Variants in NBEA observed in about 807,000 individuals in gnomAD.
NBEA encodes neurobeachin, also known as lysosomal-trafficking regulator 2.
A neutral mutation model predicts 343.4 loss-of-function variants in NBEA; 44 were observed. The ratio of observed to expected loss-of-function variants is 0.13; its 90% CI spans 0.10 to 0.16. The LOEUF is 0.16. NBEA is among the 10% of genes least tolerant of loss of function. The pLI is 1.00. For synonymous variants in NBEA, 1,175 were observed against 1,238.7 expected (o/e 0.95, Z 1.08); for missense variants, 2,555 against 3,631.3 (o/e 0.70, Z 7.62).
intron 10 of NBEA, among the ~76,000 whole-genome samples, chr13:35,083,675 C>G (rs918364301): frequency 1.3e-5 from 2 of 152,056 alleles, no homozygotes. Flanking sequence ...TAAAGACCAC[C>G]AAGGCTAGGA....
At chr13:35,374,603 A>T (rs1012707209) in intron 38 of NBEA, among the ~76,000 whole-genome samples, 1 of 152,180 alleles carries the variant, frequency 6.6e-6, no homozygotes, top group African/African-American at 2.4e-5. Flanking sequence ...TTAGAAAACA[A>T]AATCCTGCAG....
chr13:35,157,143 A>G lies in NBEA; in HGVS notation c.2717A>G (p.Asn906Ser). The G allele has an allele frequency of 6.2e-7, 1 of 1,608,564 alleles. No homozygotes were observed. ...MFSLGYINPKNSEEQKITEMV... is the reference protein window; with the variant it reads ...MFSLGYINPKSSEEQKITEMV... ...TCTCTTGGCTATATCAATCCTAAAA[A>G]TTCTGAGGAACAGAAGATTACCGAA... The change falls in exon 21 of 59, where the codon AAT (asparagine) becomes AGT (serine). Residue 906 changes from asparagine (N) to serine (S), a missense_variant. Physicochemically the swap from Asn to Ser is conservative, Grantham distance 46. Around this residue, in one of 21 missense-constraint regions of NBEA, gnomAD observed 360 missense variants for 519.1 expected, o/e 0.69. Transcript: ENST00000379939.
At chr13:35,352,124 T>G (rs1177387029) in intron 37 of NBEA, 33 bp from the exon 38 acceptor site, 2 of 1,326,650 alleles carry the variant, frequency 1.5e-6, no homozygotes, top group Non-Finnish European at 2.0e-6. Context: ...AGTAAAAAGT[T>G]TATTATTATG....
rs2033435445 is a variant in NBEA, at chr13:35,263,867, GA to G, written c.5777-26517del. Among the ~76,000 whole-genome samples, 3 of 151,666 alleles carry G rather than the reference GA, an allele frequency of 2.0e-5. No homozygotes were observed. The South Asian group carries it at 6.2e-4, about 32-fold the overall frequency. ...ACCTACAGTGTACCTCAAAGAATTA[GA>G]AAAACGAGAAAACTAAGCACAAAGG... On this transcript the variant is annotated intron_variant, in intron 34 of 58. Transcript: ENST00000379939.
At chr13:35,200,587 AC>A (rs1371263872) in intron 31 of NBEA, among the ~76,000 whole-genome samples, 3 of 151,916 alleles carry the variant, frequency 2.0e-5, no homozygotes, top group Non-Finnish European at 4.4e-5. Context: ...TGGCTAACAG[AC>A]CTCAAACTTA....
intron 34 of NBEA, among the ~76,000 whole-genome samples, chr13:35,240,458 G>A (rs1239921726): frequency 6.6e-6 from 1 of 151,656 alleles, no homozygotes; most frequent in Non-Finnish European, 1.5e-5. Context: ...CTATCAAGAC[G>A]GTATGTATGA....
At chr13:35,529,324 AAAGT>A (rs1160267852) in intron 41 of NBEA, among the ~76,000 whole-genome samples, 3 of 152,196 alleles carry the variant, frequency 2.0e-5, no homozygotes, top group Admixed American at 1.3e-4. Context: ...TATGACTTTT[AAAGT>A]AAGTGTGAGT....
chr13:35,287,488 G>A (rs1401703217), intron 34 of NBEA, among the ~76,000 whole-genome samples: 3 of 151,734 alleles, frequency 2.0e-5, no homozygotes, highest in Admixed American at 2.0e-4. Flanking sequence ...TTTCACCCTA[G>A]CCCTCCAGTC....
intron 38 of NBEA, among the ~76,000 whole-genome samples, chr13:35,378,325 G>T (rs1403866113): frequency 1.3e-5 from 2 of 152,140 alleles, no homozygotes; most frequent in Admixed American, 6.5e-5. Flanking sequence ...AAGAGACAGA[G>T]AAAAATTCAT....
At chr13:35,167,846 A>G (rs977455467) in intron 24 of NBEA, among the ~76,000 whole-genome samples, 16 of 151,954 alleles carry the variant, frequency 1.1e-4, no homozygotes, top group African/African-American at 3.9e-4. Flanking sequence ...ATCAACCACA[A>G]ATTGCACACT....
At chr13:35,187,330 C>T (rs1206729094) in intron 30 of NBEA, among the ~76,000 whole-genome samples, 2 of 151,762 alleles carry the variant, frequency 1.3e-5, no homozygotes, top group Non-Finnish European at 2.9e-5. Context: ...ACTCAAATCC[C>T]TTCTTGAAGT....
At chr13:35,347,422 A>G (rs1314317279) in intron 36 of NBEA, among the ~76,000 whole-genome samples, 2 of 152,112 alleles carry the variant, frequency 1.3e-5, no homozygotes, top group Non-Finnish European at 2.9e-5. Context: ...ATGAAGGAAT[A>G]TGAGGATTAG....
intron 4 of NBEA, among the ~76,000 whole-genome samples, chr13:35,045,909 G>T (rs1206111701): frequency 6.6e-6 from 1 of 151,776 alleles, no homozygotes; most frequent in East Asian, 1.9e-4. Flanking sequence ...TGTATTTTTA[G>T]TAGAGACAGG....
chr13:35,113,021 G>T (rs1442693520), intron 13 of NBEA, among the ~76,000 whole-genome samples: 1 of 151,980 alleles, frequency 6.6e-6, no homozygotes, highest in Non-Finnish European at 1.5e-5. Context: ...AAATTATTTT[G>T]CCCTAAGTCT....
At chr13:35,017,916 A>C (rs1483268341) in intron 1 of NBEA, among the ~76,000 whole-genome samples, 1 of 152,134 alleles carries the variant, frequency 6.6e-6, no homozygotes, top group African/African-American at 2.4e-5. Context: ...TTTGCATATG[A>C]TATAAAGTAA....
intron 21 of NBEA, among the ~76,000 whole-genome samples, 155 bp from the exon 22 acceptor site, chr13:35,158,861 A>G (rs1301916997): frequency 2.0e-5 from 3 of 152,104 alleles, no homozygotes; most frequent in Non-Finnish European, 4.4e-5. Context: ...ACTTAATGAA[A>G]CTAAGCACTT....
intron 33 of NBEA, among the ~76,000 whole-genome samples, chr13:35,220,497 A>G (rs1566477841): frequency 6.6e-6 from 1 of 152,170 alleles, no homozygotes; most frequent in Admixed American, 6.5e-5. Context: ...TAGGTTGGCA[A>G]TTATTTTCTT....
At chr13:35,623,193 C>T (rs2083069915) in intron 48 of NBEA, among the ~76,000 whole-genome samples, 1 of 151,962 alleles carries the variant, frequency 6.6e-6, no homozygotes, top group Non-Finnish European at 1.5e-5. Context: ...TACATTTTTC[C>T]AATGTAAGTA....
intron 1 of NBEA, among the ~76,000 whole-genome samples, chr13:35,024,050 C>T (rs1229073413): frequency 6.6e-6 from 1 of 152,170 alleles, no homozygotes; most frequent in Non-Finnish European, 1.5e-5. Context: ...ATGTTTAGCT[C>T]CCACTTACAG....
Sources: gnomAD v4.1 joint callset for allele counts (sites outside exome capture counted in the v4.1 genomes callset) on GRCh38, gnomAD v4.1.1 for gene constraint, gnomAD v4.1.1 regional missense constraint, MANE v1.5 for transcripts, NCBI Gene and HGNC (gene_info 2026-07-23, HGNC 2026-07-21) for gene names.